Variants in TBL1X observed in about 807,000 individuals in gnomAD.
TBL1X encodes the protein transducin beta like 1 X-linked.
A neutral mutation model predicts 50.7 loss-of-function variants in TBL1X; 10 were observed. The observed-to-expected ratio is 0.20, with a 90% CI of 0.12 to 0.33. The LOEUF is 0.33. Among genes scored for constraint, TBL1X ranks in the 10% least tolerant of loss-of-function variants. The pLI is 1.00. For missense variants in TBL1X, 340 were observed against 504.4 expected (o/e 0.67, Z 3.12); for synonymous variants, 190 against 214.7 (o/e 0.88, Z 1.01).
intron 2 of TBL1X, among the ~76,000 whole-genome samples, chrX:9,514,081 G>A (rs1429400791): frequency 9.0e-6 from 1 of 110,771 alleles, no homozygotes; most frequent in Non-Finnish European, 1.9e-5. Context: ...ACATTTCACT[G>A]TGAGATTTGG....
At chrX:9,533,268 C>T (rs1302546437) in intron 2 of TBL1X, among the ~76,000 whole-genome samples, 1 of 111,702 alleles carries the variant, frequency 9.0e-6, no homozygotes, top group Non-Finnish European at 1.9e-5. Context: ...GCACAGCTGT[C>T]TGTTGAAGAT....
Position 9,709,751 on chromosome X carries a change from T to C in TBL1X, c.1430T>C (p.Met477Thr). ...PATSNPNSNIMLASASFDSTV... is the reference protein window; with the variant it reads ...PATSNPNSNITLASASFDSTV... ...ACCAGCAACCCAAACTCCAACATCA[T>C]GTTGGCAAGGTAAGGGCAGGCAACA... is the stretch of plus-strand genomic sequence containing the variant. The change falls in exon 15 of 18, where the codon ATG becomes ACG. Residue 477 changes from methionine to threonine, a missense_variant. Met to Thr is a moderately conservative substitution (Grantham distance 81). Transcript: ENST00000645353. 1 of 1,209,030 alleles carries C rather than the reference T, an allele frequency of 8.3e-7. No individual in the cohort carries two copies. Among genetic ancestry groups the C allele is most frequent in the Non-Finnish European group, 1.1e-6 (1 of 894,090 alleles).
intron 1 of TBL1X, among the ~76,000 whole-genome samples, chrX:9,496,119 C>T (rs2081969907): frequency 8.9e-6 from 1 of 112,262 alleles, no homozygotes; most frequent in Non-Finnish European, 1.9e-5. Context: ...AAGAAGTCAC[C>T]ATGAAAGCCA....
At chrX:9,707,237 C>T (rs1288387234) in intron 13 of TBL1X, among the ~76,000 whole-genome samples, 2 of 111,322 alleles carry the variant, frequency 1.8e-5, no homozygotes, top group East Asian at 2.9e-4. Flanking sequence ...CCTCTCCCCA[C>T]CCCTGGCCCA....
intron 15 of TBL1X, 77 bp downstream of exon 15, chrX:9,709,837 G>A: frequency 8.7e-7 from 1 of 1,148,174 alleles, no homozygotes; most frequent in Admixed American, 2.5e-5. Flanking sequence ...GCGCGTCCAT[G>A]CACGTGTGTT....
rs1185082844 is a variant in TBL1X, at chrX:9,717,075, G to T, written c.*829G>T. ...CGCTCGCGCTCGCTTTCTCACTGGC[G>T]TGCTCTCTTTCTCTCTCTCTCTCCC... On this transcript the variant is annotated 3_prime_UTR_variant, in exon 18 of 18. Transcript: ENST00000645353. The T allele has an allele frequency of 9.2e-6, 1 of 109,134 alleles. No individual in the cohort carries two copies. The highest frequency in any genetic ancestry group is 4.0e-4 in the South Asian group (1 of 2,488). The allele number at this position is 109,134 out of a possible 1,213,427, so 9.0% of individuals were successfully genotyped here. A position where few individuals can be genotyped will look rare whatever the true frequency, so the allele number is the denominator to read the frequency against.
chrX:9,654,229 T>C lies in TBL1X; in HGVS notation c.118T>C (p.Phe40Leu). Residue 40 changes from phenylalanine to leucine, a missense_variant, in exon 5 of 18, where the codon TTC (phenylalanine) becomes CTC (leucine). Physicochemically the swap from Phe to Leu is conservative, Grantham distance 22 (BLOSUM62 0). Coordinates refer to ENST00000645353, the MANE Select transcript of TBL1X (RefSeq NM_005647.4). ...TTTTTGAACAGAGGGTGGTTCCCAC[T>C]TCATCAACACCTCATCGCCGCGAGG... is the stretch of plus-strand genomic sequence containing the variant. ...RLRGREGGSH[F>L]INTSSPRGEA... 1.7e-6 allele frequency: 2 copies of C among 1,210,688 alleles called. No homozygotes were observed. Among genetic ancestry groups the C allele is most frequent in the Non-Finnish European group, 2.2e-6 (2 of 895,243 alleles).
At chrX:9,480,290 A>T (rs1347080057) in intron 1 of TBL1X, among the ~76,000 whole-genome samples, 1 of 112,129 alleles carries the variant, frequency 8.9e-6, no homozygotes, top group East Asian at 2.8e-4. Flanking sequence ...GCTATAAGAA[A>T]GCATGGGAAT....
chrX:9,715,088 C>T (rs181713653), intron 17 of TBL1X, 85 bp downstream of exon 17: 10 of 944,676 alleles, frequency 1.1e-5, no homozygotes, highest in Middle Eastern at 2.8e-4. Context: ...GTGCAGCATT[C>T]GTGTCCTGAA....
intron 1 of TBL1X, among the ~76,000 whole-genome samples, chrX:9,472,618 A>G (rs1288552322): frequency 2.7e-5 from 3 of 110,331 alleles, no homozygotes; most frequent in East Asian, 5.7e-4. Flanking sequence ...TGGCAAGACC[A>G]TATAAAATAA....
rs377725560 is a variant in TBL1X, at chrX:9,714,556, G to A, written c.1606-346G>A. Among the ~76,000 whole-genome samples the A allele has an allele frequency of 2.0e-3, 220 of 111,959 alleles. 1 individual carries two copies. The highest frequency in any genetic ancestry group is 6.4e-3 in the African/African-American group (196 of 30,779). ...TACAGGTCTGTAGAAAGTTTTGGTC[G>A]TGCTGATGGAGAGTCCATGAGCCAC... On this transcript the variant is annotated intron_variant, in intron 16 of 17. Coordinates refer to ENST00000645353, the MANE Select transcript of TBL1X (RefSeq NM_005647.4).
chrX:9,671,211 G>C (rs2082958539), intron 5 of TBL1X, among the ~76,000 whole-genome samples: 1 of 112,454 alleles, frequency 8.9e-6, no homozygotes, highest in South Asian at 3.7e-4. Context: ...TCAGCAAGGG[G>C]AAAAGGCATA....
intron 1 of TBL1X, among the ~76,000 whole-genome samples, chrX:9,476,370 C>A (rs958503703): frequency 2.7e-4 from 30 of 112,464 alleles, no homozygotes; most frequent in Non-Finnish European, 5.6e-5. Context: ...CATATTGGAA[C>A]CACTGAATTG....
intron 13 of TBL1X, among the ~76,000 whole-genome samples, chrX:9,707,260 C>G (rs2083214181): frequency 9.0e-6 from 1 of 111,345 alleles, no homozygotes; most frequent in Admixed American, 9.5e-5. Context: ...GGTCCCTGTC[C>G]CAAAGGAAGG....
At position 9,709,723 on chromosome X, in the gene TBL1X, G is replaced by A. The variant is rs760963625; in HGVS notation, c.1402G>A (p.Ala468Thr). The change falls in exon 15 of 18, where the codon GCC becomes ACC. Residue 468 changes from alanine (A) to threonine (T), a missense_variant. Physicochemically the swap from Ala to Thr is moderately conservative, Grantham distance 58 (BLOSUM62 0). Coordinates refer to ENST00000645353, the MANE Select transcript of TBL1X (RefSeq NM_005647.4). The part of the protein sequence containing the change: ...YTIKWSPTGP[A>T]TSNPNSNIML... ...CATCAAGTGGAGCCCCACTGGGCCCGCCACCAGCAACCCAAACTCCAACAT... is the reference window on the plus strand; with the variant it reads ...CATCAAGTGGAGCCCCACTGGGCCCACCACCAGCAACCCAAACTCCAACAT... The A allele has an allele frequency of 3.3e-6, 4 of 1,209,132 alleles. No individual in the cohort carries two copies. Among genetic ancestry groups the A allele is most frequent in the Admixed American group, 2.2e-5 (1 of 45,810 alleles).
chrX:9,492,881 G>A (rs1601712527), intron 1 of TBL1X, among the ~76,000 whole-genome samples: 1 of 56,467 alleles, frequency 1.8e-5, no homozygotes, highest in Admixed American at 2.1e-4. Context: ...GTGTGTGTGT[G>A]TGTGTGTGTG....
At chrX:9,598,786 C>T (rs1249071705) in intron 2 of TBL1X, among the ~76,000 whole-genome samples, 1 of 111,458 alleles carries the variant, frequency 9.0e-6, no homozygotes, top group Non-Finnish European at 1.9e-5. Flanking sequence ...CTGTGCCCAT[C>T]TTCCAGCTTC....
Position 9,693,227 on chromosome X carries a change from C to T in TBL1X, c.955+15C>T, listed in dbSNP as rs1338010285. The T allele has an allele frequency of 1.7e-6, 2 of 1,209,279 alleles. No individual in the cohort carries two copies. The highest frequency in any genetic ancestry group is 3.5e-5 in the African/African-American group (2 of 56,934). On this transcript the variant is annotated intron_variant, in intron 10 of 17. Transcript: ENST00000645353. The stretch of plus-strand genomic sequence containing the variant: ...GACGGAAGATGGTGAGTTCTGTGTC[C>T]CTCGTGCTGGGGTCGGGTAAGAGGA...
chrX:9,605,729 A>T (rs771936130), intron 2 of TBL1X, among the ~76,000 whole-genome samples: 1 of 112,539 alleles, frequency 8.9e-6, no homozygotes, highest in Non-Finnish European at 1.9e-5. Flanking sequence ...TTTACTAAAA[A>T]CAGACTAATT....
Sources: allele counts gnomAD v4.1 joint callset (sites outside exome capture counted in the v4.1 genomes callset), GRCh38; gene constraint gnomAD v4.1.1; transcripts MANE v1.5; gene names NCBI Gene and HGNC (gene_info 2026-07-23, HGNC 2026-07-21).